Variants in RAPGEF5 observed in about 807,000 individuals in gnomAD.
RAPGEF5 encodes M-Ras-regulated GEF.
In RAPGEF5, 65 loss-of-function variants were observed where a neutral mutation model predicts 125.2. That is an observed-to-expected ratio of 0.52 (90% CI 0.43 to 0.64). The LOEUF is 0.64. Ranked by LOEUF, RAPGEF5 falls within the 30% of genes least tolerant of loss-of-function variation. RAPGEF5 has a pLI of 0.00. For missense variants in RAPGEF5, 958 were observed against 1,048.1 expected, an observed-to-expected ratio of 0.91 and a Z score of 1.19; for synonymous variants, 391 against 385.9, an observed-to-expected ratio of 1.01 and a Z score of -0.16.
At chr7:22,185,820 A>AT (rs951821525) in intron 11 of RAPGEF5, among the ~76,000 whole-genome samples, 37 of 151,058 alleles carry the variant, frequency 2.4e-4, no homozygotes, top group African/African-American at 8.3e-4. Flanking sequence ...TCTCTCACTG[A>AT]TTTTTTTTTA....
intron 6 of RAPGEF5, among the ~76,000 whole-genome samples, chr7:22,274,819 A>G (rs970432862): frequency 6.6e-6 from 1 of 152,190 alleles, no homozygotes; most frequent in African/African-American, 2.4e-5. Context: ...CTCTGCAGTC[A>G]GACTAAATCA....
chr7:22,197,265 A>C (rs1193809613), intron 9 of RAPGEF5, among the ~76,000 whole-genome samples: 1 of 152,194 alleles, frequency 6.6e-6, no homozygotes, highest in Admixed American at 6.5e-5. Context: ...ATTCTAAAGG[A>C]AATAAGTCAG....
chr7:22,229,506 A>G (rs1486153030), intron 8 of RAPGEF5, among the ~76,000 whole-genome samples: 1 of 152,270 alleles, frequency 6.6e-6, no homozygotes, highest in African/African-American at 2.4e-5. Flanking sequence ...AAGCCATTAA[A>G]TGTATATACA....
chr7:22,128,761 T>C (rs1217431047), intron 24 of RAPGEF5, among the ~76,000 whole-genome samples: 1 of 152,196 alleles, frequency 6.6e-6, no homozygotes, highest in East Asian at 1.9e-4. Context: ...GCCTGCCCTC[T>C]GAGGAAATGA....
intron 6 of RAPGEF5, among the ~76,000 whole-genome samples, chr7:22,275,753 T>C (rs1476226187): frequency 2.0e-5 from 3 of 152,180 alleles, no homozygotes; most frequent in Non-Finnish European, 2.9e-5. Context: ...TGGTGACATA[T>C]GTCAGCCTGC....
At chr7:22,154,778 A>ACG (rs1294739464) in intron 16 of RAPGEF5, among the ~76,000 whole-genome samples, 174 bp from the exon 17 acceptor site, 8 of 152,210 alleles carry the variant, frequency 5.3e-5, no homozygotes, top group Admixed American at 3.3e-4. Context: ...ACCTGAGGGT[A>ACG]TACGTCTATA....
intron 6 of RAPGEF5, among the ~76,000 whole-genome samples, chr7:22,288,490 C>T (rs62447068): frequency 0.22 from 33,950 of 151,220 alleles, 4,295 homozygotes; most frequent in African/African-American, 0.35. Context: ...TTTACCCACT[C>T]ATACTGATTT....
chr7:22,159,557 A>G (rs1024062319), intron 14 of RAPGEF5, among the ~76,000 whole-genome samples: 1 of 152,212 alleles, frequency 6.6e-6, no homozygotes, highest in Non-Finnish European at 1.5e-5. Flanking sequence ...TGTGAATCAG[A>G]TAACAATTTT....
intron 7 of RAPGEF5, among the ~76,000 whole-genome samples, chr7:22,254,608 CAA>C (rs11330777): frequency 0.022 from 1,835 of 83,008 alleles, 12 homozygotes; most frequent in Middle Eastern, 0.099. Context: ...AACTCCGTCT[CAA>C]AAAAAAAAAA....
intron 16 of RAPGEF5, among the ~76,000 whole-genome samples, chr7:22,156,034 T>A (rs1783795310): frequency 6.6e-6 from 1 of 152,216 alleles, no homozygotes. Flanking sequence ...GAACCATGTA[T>A]CAGCAGCATT....
In RAPGEF5 at chr7:22,204,470, G is replaced by A. The variant is rs1043541129; in HGVS notation, c.997-10437C>T. 2.6e-5 allele frequency among the ~76,000 whole-genome samples: 4 copies of A among 152,182 alleles called. No homozygotes were observed. The South Asian group carries it at 6.2e-4, about 24-fold the overall frequency. ...AGGAAATGCTTGTGTGTGTGTGCACGCATGCCTGTGGAACTTCCATGAGGG... is the reference window on the plus strand; with the variant it reads ...AGGAAATGCTTGTGTGTGTGTGCACACATGCCTGTGGAACTTCCATGAGGG... On this transcript the variant is annotated intron_variant, in intron 9 of 25. Coordinates refer to ENST00000665637, the MANE Select transcript of RAPGEF5 (RefSeq NM_012294.5).
chr7:22,325,155 CT>C (rs1783790352), intron 1 of RAPGEF5, among the ~76,000 whole-genome samples: 1 of 152,198 alleles, frequency 6.6e-6, no homozygotes, highest in Non-Finnish European at 1.5e-5. Context: ...TGATTAATCT[CT>C]TCCCCCAAAC....
At chr7:22,209,129 G>A (rs1785456453) in intron 9 of RAPGEF5, among the ~76,000 whole-genome samples, 1 of 152,218 alleles carries the variant, frequency 6.6e-6, no homozygotes, top group Non-Finnish European at 1.5e-5. Context: ...AAGGTCAGAG[G>A]TGATTGCCAA....
In RAPGEF5 at chr7:22,206,564, G is replaced by A. The variant is rs184166310; in HGVS notation, c.997-12531C>T. Among the ~76,000 whole-genome samples, 66 of 151,706 alleles carry A rather than the reference G, an allele frequency of 4.4e-4. No individual in the cohort carries two copies. In the East Asian group the frequency reaches 6.2e-3, roughly 14 times the overall value. On this transcript the variant is annotated intron_variant, in intron 9 of 25. Transcript: ENST00000665637. ...AAAAATACCAAAAAATTAGCTGGGCGTGGTAGTACATGCCTGTAGTCTCAG... is the reference window on the plus strand; with the variant it reads ...AAAAATACCAAAAAATTAGCTGGGCATGGTAGTACATGCCTGTAGTCTCAG...
rs182560013 is a variant in RAPGEF5, at chr7:22,168,630, G to A, written c.1205-1482C>T. On this transcript the variant is annotated intron_variant, in intron 11 of 25. Coordinates refer to ENST00000665637, the MANE Select transcript of RAPGEF5 (RefSeq NM_012294.5). ...TCTCCAGAATTTTTAGGAATAACCA[G>A]TAATATTTACTTTAAAAGTTAATCA... 1.3e-3 allele frequency among the ~76,000 whole-genome samples: 198 copies of A among 152,276 alleles called. 1 individual carries two copies. Among genetic ancestry groups the A allele is most frequent in the African/African-American group, 4.6e-3 (192 of 41,554 alleles).
chr7:22,265,180 T>C (rs550150149), intron 7 of RAPGEF5, among the ~76,000 whole-genome samples: 2 of 152,256 alleles, frequency 1.3e-5, no homozygotes, highest in East Asian at 1.9e-4. Context: ...GATAACTATA[T>C]CCACGATACT....
chr7:22,284,463 GC>G (rs1319405352), intron 6 of RAPGEF5, among the ~76,000 whole-genome samples: 1 of 152,110 alleles, frequency 6.6e-6, no homozygotes, highest in Non-Finnish European at 1.5e-5. Context: ...CTTCCTTAAT[GC>G]CCCTTGGAAC....
intron 1 of RAPGEF5, among the ~76,000 whole-genome samples, chr7:22,335,145 T>C (rs373359543): frequency 1.3e-3 from 202 of 152,338 alleles, no homozygotes; most frequent in Middle Eastern, 3.4e-3. Context: ...TGCATGTTTA[T>C]AAACGAGCCA....
Position 22,167,073 on chromosome 7 carries a change from C to T in RAPGEF5, c.1280G>A (p.Arg427Lys), listed in dbSNP as rs202018728. 355 of 1,609,782 alleles carry T rather than the reference C, an allele frequency of 2.2e-4. No individual in the cohort carries two copies. The highest frequency in any genetic ancestry group is 2.8e-4 in the Non-Finnish European group (333 of 1,176,604). ...GCCTGAAGATAATGAAGGATATTGC[C>T]TTAACAGAGCCTGGCACAAGTCATC... ...TTDDLCQALL[R>K]HYSAKKYQGK... The change falls in exon 12 of 26, where the codon AGG (arginine) becomes AAG (lysine). Residue 427 changes from arginine to lysine, a missense_variant. Arg to Lys is a conservative substitution (Grantham distance 26). Transcript: ENST00000665637.
Sources: gnomAD v4.1 joint callset for allele counts (sites outside exome capture counted in the v4.1 genomes callset) on GRCh38, gnomAD v4.1.1 for gene constraint, MANE v1.5 for transcripts, NCBI Gene and HGNC (gene_info 2026-07-23, HGNC 2026-07-21) for gene names.